MED16: variants seen among roughly 807,000 people sequenced by gnomAD.
MED16 encodes mediator of RNA polymerase II transcription subunit 16.
In MED16, 81 loss-of-function variants were observed where a neutral mutation model predicts 84.4. The observed-to-expected ratio is 0.96, with a 90% CI of 0.80 to 1.15. The LOEUF is 1.15. Ranked by LOEUF, MED16 falls within the 50% of genes most tolerant of loss-of-function variation. MED16 has a pLI of 0.00. For synonymous variants in MED16, 897 were observed against 552.2 expected, an observed-to-expected ratio of 1.62 and a Z score of -8.76; for missense variants, 1,585 against 1,245.9, an observed-to-expected ratio of 1.27 and a Z score of -4.10.
chr19:875,289 G>A lies in MED16; in HGVS notation c.1726C>T (p.Pro576Ser), dbSNP rs924900282. Residue 576 changes from proline to serine, a missense_variant, in exon 10 of 16, where the codon CCC becomes TCC. Physicochemically the swap from Pro to Ser is moderately conservative, Grantham distance 74 (BLOSUM62 -1). Transcript: ENST00000325464. Reference sequence around the variant, plus strand: ...CAGATCTCGGTCAGCCGGTCGCCGGGGCTCTTGTCAGGCGTGTTGAGAAAG... The same window carrying A: ...CAGATCTCGGTCAGCCGGTCGCCGGAGCTCTTGTCAGGCGTGTTGAGAAAG... ...PHFLNTPDKS[P>S]GDRLTEICTK... 2 of 1,329,150 alleles carry A rather than the reference G, an allele frequency of 1.5e-6. No individual in the cohort carries two copies. The highest frequency in any genetic ancestry group is 2.2e-5 in the South Asian group (1 of 44,998). 82.3% of individuals were successfully genotyped at this position (1,329,150 alleles called of 1,614,324 possible). A position where few individuals can be genotyped will look rare whatever the true frequency, so the allele number is the denominator to read the frequency against.
At position 889,898 on chromosome 19, in the gene MED16, A is replaced by G. The variant is rs11883077; in HGVS notation, c.278-91T>C. 5,294 of 1,448,960 alleles carry G rather than the reference A, an allele frequency of 3.7e-3. 148 individuals are homozygous for G. The African/African-American group carries it at 0.065, about 18-fold the overall frequency. 89.8% of individuals were successfully genotyped at this position (1,448,960 alleles called of 1,614,324 possible). A position where few individuals can be genotyped will look rare whatever the true frequency, so the allele number is the denominator to read the frequency against. On this transcript the variant is annotated intron_variant, in intron 3 of 15. Coordinates refer to ENST00000325464, the MANE Select transcript of MED16 (RefSeq NM_005481.3). ...CACAGCGCCTGGGGGAAGCCAGCCC[A>G]GTGGAGAGGTCTCGGCCCAGGTAGG...
At chr19:877,781 G>T (rs1265947902) in intron 8 of MED16, among the ~76,000 whole-genome samples, 1 of 32,544 alleles carries the variant, frequency 3.1e-5, no homozygotes, top group Non-Finnish European at 6.2e-5. Context: ...CCCAGCCCCA[G>T]CCCCAGCCCC....
At chr19:873,178 A>C in intron 11 of MED16, 3 of 256,172 alleles carry the variant, frequency 1.2e-5, no homozygotes, top group Non-Finnish European at 1.4e-5. Flanking sequence ...AGGGCTAGGA[A>C]GTGGGGCAGG....
At position 871,226 on chromosome 19, in the gene MED16, G is replaced by A. The variant is rs368744761; in HGVS notation, c.2126C>T (p.Pro709Leu). The A allele has an allele frequency of 1.6e-4, 248 of 1,542,948 alleles. 1 individual carries two copies. In the South Asian group the frequency reaches 2.1e-3, roughly 13 times the overall value. ...GCATTCATCCACCAGCGCCTCGTCC[G>A]GCTCGCTCGCTGGGCCCTCATCGCG... ...CCRDEGPASE[P>L]DEALVDECCL... Residue 709 changes from proline (P) to leucine (L), a missense_variant, in exon 13 of 16, where the codon CCG becomes CTG. Coordinates refer to ENST00000325464, the MANE Select transcript of MED16 (RefSeq NM_005481.3).
Position 890,173 on chromosome 19 carries a change from G to A in MED16, c.241C>T (p.His81Tyr), listed in dbSNP as rs1261024289. ...CACTCCAGGCAGGTGATGGCCTCGT[G>A]GTGCTCTGAGGGGATCGAGTGCAGG... ...WDLHSIPSEH[H>Y]EAITCLEWDQ... The change falls in exon 3 of 16, where the codon CAC (histidine) becomes TAC (tyrosine). Residue 81 changes from histidine to tyrosine, a missense_variant. Physicochemically the swap from His to Tyr is moderately conservative, Grantham distance 83 (BLOSUM62 2). Coordinates refer to ENST00000325464, the MANE Select transcript of MED16 (RefSeq NM_005481.3). 11 of 1,552,776 alleles carry A rather than the reference G, an allele frequency of 7.1e-6. No individual in the cohort carries two copies. Among genetic ancestry groups the A allele is most frequent in the Non-Finnish European group, 7.8e-6 (9 of 1,148,052 alleles).
chr19:876,316 C>T (rs1000463794), intron 9 of MED16, among the ~76,000 whole-genome samples: 2 of 152,116 alleles, frequency 1.3e-5, no homozygotes, highest in Non-Finnish European at 2.9e-5. Flanking sequence ...CCTTCTGGCA[C>T]GTGGGCCTCC....
intron 1 of MED16, chr19:892,836 G>C (rs2036665220): frequency 6.7e-6 from 1 of 148,902 alleles, no homozygotes; most frequent in Non-Finnish European, 1.5e-5. Flanking sequence ...CAGCCCCGCG[G>C]GCCTCAGGCC....
At chr19:887,843 G>A (rs1466978074) in intron 4 of MED16, among the ~76,000 whole-genome samples, 1 of 151,890 alleles carries the variant, frequency 6.6e-6, no homozygotes, top group African/African-American at 2.4e-5. Flanking sequence ...CTGGGTCTCG[G>A]GGGCTGGGGT....
chr19:880,172 G>T (rs1008012469), intron 7 of MED16, 24 bp from the exon 8 acceptor site: 3 of 1,594,726 alleles, frequency 1.9e-6, no homozygotes, highest in Non-Finnish European at 2.6e-6. Context: ...GCACTGCTTA[G>T]ACATGGGCAG....
In MED16 at chr19:873,445, G is replaced by A. The variant is rs1307737021; in HGVS notation, c.1905+4C>T. 10 of 1,606,606 alleles carry A rather than the reference G, an allele frequency of 6.2e-6. No homozygotes were observed. The highest frequency in any genetic ancestry group is 1.1e-5 in the South Asian group (1 of 91,030). On this transcript the variant is annotated splice_donor_region_variant and intron_variant, in intron 11 of 15. Coordinates refer to ENST00000325464, the MANE Select transcript of MED16 (RefSeq NM_005481.3). ...GCGGGGCCTTAGGGGAGAGCATGGCGCACCTGGTTGGGTAGGCTGGCCAGC... is the reference window on the plus strand; with the variant it reads ...GCGGGGCCTTAGGGGAGAGCATGGCACACCTGGTTGGGTAGGCTGGCCAGC...
intron 12 of MED16, 152 bp downstream of exon 12, chr19:871,774 A>C (rs1471270612): frequency 8.0e-4 from 138 of 171,530 alleles, no homozygotes; most frequent in Non-Finnish European, 1.2e-3. Flanking sequence ...GAGCGGGGAG[A>C]GGGGAGAGGG....
intron 8 of MED16, among the ~76,000 whole-genome samples, chr19:877,823 G>A (rs12979761): frequency 1.1e-4 from 2 of 18,290 alleles, no homozygotes; most frequent in South Asian, 1.8e-3. Flanking sequence ...TCGCCTTCCC[G>A]TGGTTGTCAA....
At chr19:882,668 C>A (rs945873187) in intron 6 of MED16, among the ~76,000 whole-genome samples, 2 of 152,234 alleles carry the variant, frequency 1.3e-5, no homozygotes, top group Non-Finnish European at 2.9e-5. Context: ...GGCTGCTAAC[C>A]GCAGACACGT....
At chr19:879,873 C>G in intron 8 of MED16, 64 bp downstream of exon 8, 1 of 1,309,072 alleles carries the variant, frequency 7.6e-7, no homozygotes. Context: ...CAATGCCCAG[C>G]AGCTCGCCTT....
rs1395344140 is a variant in MED16, at chr19:868,862, C to T, written c.2399+1G>A. 4 of 1,548,054 alleles carry T rather than the reference C, an allele frequency of 2.6e-6. No individual in the cohort carries two copies. In the East Asian group the frequency reaches 7.2e-5, roughly 28 times the overall value. Reference sequence around the variant, plus strand: ...AGTCAGCGGTTCCGGGGGCCCCTCACCTGGTGCAGGCCTTGCATTCCTCCG... The same window carrying T: ...AGTCAGCGGTTCCGGGGGCCCCTCATCTGGTGCAGGCCTTGCATTCCTCCG... On this transcript the variant is annotated splice_donor_variant, in intron 14 of 15. Transcript: ENST00000325464. LOFTEE classifies it high-confidence loss of function.
At chr19:892,881 A>AGCCCCGAGCCCCGC (rs1555719500) in intron 1 of MED16, 32 of 137,942 alleles carry the variant, frequency 2.3e-4, no homozygotes, top group East Asian at 1.4e-3. Context: ...CTGAGCCCCG[A>AGCCCCGAGCCCCGC]GCCCCGCGCC....
At chr19:874,214 C>G (rs1311197071) in intron 10 of MED16, among the ~76,000 whole-genome samples, 1 of 151,998 alleles carries the variant, frequency 6.6e-6, no homozygotes, top group African/African-American at 2.4e-5. Flanking sequence ...CCCGGGTTCA[C>G]GCCATTCTCC....
Position 868,914 on chromosome 19 carries a change from C to G in MED16, c.2348G>C (p.Arg783Pro), listed in dbSNP as rs767402311. The part of the protein sequence containing the change: ...APGQPKIDHL[R>P]RLHLGACPTE... ...GGGGCAAGCGCCAAGGTGCAGCCTC[C>G]GCAGGTGGTCGATCTTGGGCTGGCC... The change falls in exon 14 of 16, where the codon CGG becomes CCG. Residue 783 changes from arginine to proline, a missense_variant. Physicochemically the swap from Arg to Pro is moderately radical, Grantham distance 103. Coordinates refer to ENST00000325464, the MANE Select transcript of MED16 (RefSeq NM_005481.3). The G allele has an allele frequency of 6.5e-7, 1 of 1,550,044 alleles. No individual in the cohort carries two copies. Among genetic ancestry groups the G allele is most frequent in the Non-Finnish European group, 8.7e-7 (1 of 1,152,636 alleles).
At chr19:869,696 C>A (rs2036001080) in intron 13 of MED16, among the ~76,000 whole-genome samples, 4 of 152,178 alleles carry the variant, frequency 2.6e-5, no homozygotes, top group African/African-American at 9.7e-5. Flanking sequence ...TGGAGCCGAG[C>A]CGGGGCCTTC....
Sources: allele counts gnomAD v4.1 joint callset (sites outside exome capture counted in the v4.1 genomes callset), GRCh38; gene constraint gnomAD v4.1.1; transcripts MANE v1.5; gene names NCBI Gene and HGNC (gene_info 2026-07-23, HGNC 2026-07-21).